The following ALDH3A1 variants were observed in gnomAD, a reference collection of about 807,000 sequenced individuals.
The protein encoded by ALDH3A1 is aldehyde dehydrogenase, dimeric NADP-preferring.
In ALDH3A1, 46 loss-of-function variants were observed where a neutral mutation model predicts 49.9. That is an observed-to-expected ratio of 0.92 (90% confidence interval 0.73 to 1.18). The LOEUF is 1.18. ALDH3A1 is among the 50% of genes most tolerant of loss of function. The pLI, the probability that ALDH3A1 is intolerant of heterozygous loss-of-function variation, is 0.00. For synonymous variants in ALDH3A1, 269 were observed against 253.3 expected (o/e 1.06, Z -0.59); for missense variants, 592 against 611.8 (o/e 0.97, Z 0.34).
chr17:19,744,999 A>AGCTCCT lies in ALDH3A1; in HGVS notation c.125_130dup (p.Gln42_Glu43dup), dbSNP rs767162387. The AGCTCCT allele has an allele frequency of 9.5e-5, 136 of 1,438,080 alleles. 4 individuals carry two copies. In the South Asian group the frequency reaches 1.1e-3, roughly 12 times the overall value. The allele number at this position is 1,438,080 out of a possible 1,614,324, so 89.1% of individuals were successfully genotyped here. ...CAGGTCTGCGGCCAGCGCGCCCACC[A>AGCTCCT]GCTCCTGCTCCTGCTCCTGGATCAG... On this transcript the variant is annotated inframe_insertion, in exon 2 of 11. Transcript: ENST00000225740.
intron 1 of ALDH3A1, among the ~76,000 whole-genome samples, chr17:19,747,697 C>T (rs1011759912): frequency 6.6e-6 from 1 of 152,176 alleles, no homozygotes; most frequent in South Asian, 2.1e-4. Flanking sequence ...AGCCCGTCGC[C>T]TCACACCCCA....
intron 7 of ALDH3A1, 129 bp downstream of exon 7, chr17:19,740,207 T>C (rs2086464309): frequency 3.8e-6 from 5 of 1,310,238 alleles, no homozygotes. Flanking sequence ...GCAGGCTCCC[T>C]GGTGAAAGCA....
At position 19,738,204 on chromosome 17, in the gene ALDH3A1, G is replaced by A. The variant is rs200012428; in HGVS notation, c.*17C>T. ...GATGGGACACAGTATGGCCAGGCCA[G>A]GCGGAGCAACCCCTCCTCAGTGCTG... On this transcript the variant is annotated 3_prime_UTR_variant, in exon 11 of 11. Coordinates refer to ENST00000225740, the MANE Select transcript of ALDH3A1 (RefSeq NM_000691.5). 200 of 1,613,922 alleles carry A rather than the reference G, an allele frequency of 1.2e-4. No individual in the cohort carries two copies. The highest frequency in any genetic ancestry group is 3.8e-4 in the East Asian group (17 of 44,852).
chr17:19,741,903 T>C, intron 5 of ALDH3A1, 101 bp downstream of exon 5: 2 of 1,149,850 alleles, frequency 1.7e-6, no homozygotes, highest in Non-Finnish European at 2.5e-6. Context: ...AGGCAGGGGG[T>C]GTCTGTGTTA....
At chr17:19,741,327 T>G (rs2086488303) in intron 5 of ALDH3A1, 117 bp from the exon 6 acceptor site, 4 of 828,790 alleles carry the variant, frequency 4.8e-6, no homozygotes, top group Admixed American at 3.9e-5. Context: ...TTGCCACCAG[T>G]GAGTCCTCCC....
At chr17:19,747,330 A>G (rs1244438362) in intron 1 of ALDH3A1, among the ~76,000 whole-genome samples, 3 of 152,028 alleles carry the variant, frequency 2.0e-5, no homozygotes, top group East Asian at 3.9e-4. Context: ...GTCCCTCCCT[A>G]TGTTCTGATA....
intron 2 of ALDH3A1, chr17:19,744,735 G>A: frequency 1.5e-6 from 2 of 1,357,128 alleles, no homozygotes; most frequent in East Asian, 3.1e-5. Flanking sequence ...GGGACGCTGC[G>A]GGCGGGACGC....
intron 2 of ALDH3A1, 49 bp downstream of exon 2, chr17:19,744,919 C>A: frequency 7.2e-7 from 1 of 1,385,392 alleles, no homozygotes; most frequent in Non-Finnish European, 9.4e-7. Context: ...CCCCACGCCC[C>A]ATCGCATGGC....
At chr17:19,747,858 G>A (rs2086619892) in intron 1 of ALDH3A1, 1 of 157,550 alleles carries the variant, frequency 6.3e-6, no homozygotes, top group Non-Finnish European at 1.4e-5. Context: ...TTACAGATGA[G>A]GAAAGGGAGA....
Position 19,743,224 on chromosome 17 carries a change from C to T in ALDH3A1, c.394+8G>A, listed in dbSNP as rs2086533560. On this transcript the variant is annotated splice_region_variant and intron_variant, in intron 3 of 10. Coordinates refer to ENST00000225740, the MANE Select transcript of ALDH3A1 (RefSeq NM_000691.5). The surrounding 1 kb of genome is among the most constrained non-coding windows in gnomAD (Gnocchi z 4.4). The stretch of plus-strand genomic sequence containing the variant: ...TCCCCCAGCTTCCCTTCCCACAGGG[C>T]CATGCACCTGCAGCGATGGCGCCCA... 5 of 1,613,118 alleles carry T rather than the reference C, an allele frequency of 3.1e-6. No individual in the cohort carries two copies. In the African/African-American group the frequency reaches 5.3e-5, roughly 17 times the overall value.
At chr17:19,745,159 T>C in intron 1 of ALDH3A1, 25 bp from the exon 2 acceptor site, 4 of 1,542,916 alleles carry the variant, frequency 2.6e-6, no homozygotes, top group Non-Finnish European at 2.6e-6. Context: ...CACCTGCAGC[T>C]GGCTGAGGGG....
At position 19,742,908 on chromosome 17, in the gene ALDH3A1, T is replaced by C. The variant is rs1216997469; in HGVS notation, c.395-278A>G. ...AAAAGCAGAAAGGGGAGAGAGGCTC[T>C]GGGGGCCCGGTTGGTAGAACAGCGC... is the stretch of plus-strand genomic sequence containing the variant. On this transcript the variant is annotated intron_variant, in intron 3 of 10. Coordinates refer to ENST00000225740, the MANE Select transcript of ALDH3A1 (RefSeq NM_000691.5). 4 of 1,526,928 alleles carry C rather than the reference T, an allele frequency of 2.6e-6. No homozygotes were observed. The African/African-American group carries it at 5.5e-5, about 21-fold the overall frequency. 94.6% of individuals were successfully genotyped at this position (1,526,928 alleles called of 1,614,324 possible).
At chr17:19,744,890 C>T (rs1232384695) in intron 2 of ALDH3A1, 78 bp downstream of exon 2, 3 of 1,311,484 alleles carry the variant, frequency 2.3e-6, no homozygotes, top group Non-Finnish European at 3.0e-6. Context: ...CTCTGGGTCG[C>T]ACTCTCCCCA....
At position 19,738,079 on chromosome 17, in the gene ALDH3A1, G is replaced by T. The variant is rs780285968; in HGVS notation, c.*142C>A. The T allele has an allele frequency of 4.4e-6, 7 of 1,574,796 alleles. No homozygotes were observed. The Admixed American group carries it at 1.1e-4, about 24-fold the overall frequency. ...GCCTGGGCCCATGTGGGAGTGGGGT[G>T]TGCACAGGTCAGCAGGTCAGCAGAG... On this transcript the variant is annotated 3_prime_UTR_variant, in exon 11 of 11. Coordinates refer to ENST00000225740, the MANE Select transcript of ALDH3A1 (RefSeq NM_000691.5).
chr17:19,744,310 G>A, intron 2 of ALDH3A1: 2 of 731,406 alleles, frequency 2.7e-6, no homozygotes, highest in South Asian at 6.1e-5. Flanking sequence ...GGCTGAGGCA[G>A]GAGAATTGCC....
rs370908746 is a variant in ALDH3A1 at position 19,739,494 on chromosome 17, G to A, written c.1116+14C>T. On this transcript the variant is annotated intron_variant, in intron 8 of 10. Transcript: ENST00000225740. ...CAGGACCCTGGCAGAGGGCACCCCA[G>A]GCCCACCACCCACCTTGTCGTTGCT... 1,409 of 1,602,660 alleles carry A rather than the reference G, an allele frequency of 8.8e-4. No homozygotes were observed. The highest frequency in any genetic ancestry group is 1.1e-3 in the Non-Finnish European group (1,341 of 1,175,504).
intron 1 of ALDH3A1, chr17:19,745,386 G>T: frequency 2.1e-6 from 1 of 477,978 alleles, no homozygotes; most frequent in South Asian, 3.5e-5. Context: ...CTGCTGCTGG[G>T]GGCTCTTGGC....
At chr17:19,741,703 G>A (rs914723436) in intron 5 of ALDH3A1, among the ~76,000 whole-genome samples, 4 of 152,064 alleles carry the variant, frequency 2.6e-5, no homozygotes, top group Admixed American at 6.6e-5. Context: ...TGTCCTGAAC[G>A]TCCCACAGCT....
chr17:19,744,895 T>TGCCCCGCCCCCCC, intron 2 of ALDH3A1, 73 bp downstream of exon 2: 2 of 924,172 alleles, frequency 2.2e-6, no homozygotes, highest in Non-Finnish European at 1.4e-6. Flanking sequence ...GGTCGCACTC[T>TGCCCCGCCCCCCC]CCCCAGCCCC....
Sources: gnomAD v4.1 joint callset for allele counts (sites outside exome capture counted in the v4.1 genomes callset) on GRCh38, gnomAD v4.1.1 for gene constraint, Gnocchi (gnomAD v3.1) non-coding constraint, MANE v1.5 for transcripts, NCBI Gene and HGNC (gene_info 2026-07-23, HGNC 2026-07-21) for gene names.